The following SREK1 variants were observed in gnomAD, a reference collection of about 807,000 sequenced individuals.
SREK1 encodes the protein splicing regulatory glutamine/lysine-rich protein 1.
SREK1 carries 13 observed loss-of-function variants against 66.5 expected under a neutral mutation model. The ratio of observed to expected loss-of-function variants is 0.20; its 90% CI spans 0.13 to 0.31. The LOEUF (loss-of-function observed/expected upper bound fraction) is 0.31. Ranked by LOEUF, SREK1 falls within the 10% of genes least tolerant of loss-of-function variation. The probability of loss-of-function intolerance (pLI) is 1.00; values close to 1 mark genes in which losing one functional copy is unlikely to be tolerated. For synonymous variants in SREK1, 265 were observed against 263.5 expected (o/e 1.01, Z -0.05); for missense variants, 607 against 769.6 (o/e 0.79, Z 2.50).
intron 3 of SREK1, 121 bp from the exon 4 acceptor site, chr5:66,161,988 G>T: frequency 8.9e-7 from 1 of 1,117,944 alleles, no homozygotes. Context: ...TGAAAGTTCG[G>T]AGTCCCTAGT....
chr5:66,146,957 A>G lies in SREK1; in HGVS notation c.161+2420A>G, dbSNP rs7702725. ...GATTGAGCCAGGTGTGGTGGTGTGC[A>G]CCTATAGTCCTAGCTACTCAGGAGG... On this transcript the variant is annotated intron_variant, in intron 1 of 11. Coordinates refer to ENST00000334121, the MANE Select transcript of SREK1 (RefSeq NM_001077199.3). Among the ~76,000 whole-genome samples the G allele has an allele frequency of 2.5e-3, 386 of 152,206 alleles. 4 individuals are homozygous for G. The highest frequency in any genetic ancestry group is 8.9e-3 in the African/African-American group (371 of 41,508).
intron 1 of SREK1, among the ~76,000 whole-genome samples, chr5:66,151,566 A>G (rs1024288147): frequency 1.3e-5 from 2 of 152,148 alleles, no homozygotes; most frequent in Non-Finnish European, 2.9e-5. Context: ...TGTATTTTCA[A>G]CTTACTTAGT....
chr5:66,151,939 G>A (rs1580622912), intron 1 of SREK1, among the ~76,000 whole-genome samples: 2 of 139,102 alleles, frequency 1.4e-5, no homozygotes, highest in African/African-American at 2.6e-5. Context: ...TCCGCCTCCC[G>A]GGTTCACGCC....
chr5:66,149,382 T>A (rs963259828), intron 1 of SREK1, among the ~76,000 whole-genome samples: 5 of 151,854 alleles, frequency 3.3e-5, no homozygotes, highest in African/African-American at 7.3e-5. Context: ...AAAAGAAAAT[T>A]GCTTAAATCA....
chr5:66,156,095 C>T, intron 2 of SREK1: 2 of 1,518,546 alleles, frequency 1.3e-6, no homozygotes, highest in Non-Finnish European at 1.8e-6. Context: ...AGACCTGTTA[C>T]ACTTGCCTGA....
chr5:66,175,088 T>G (rs1453180637), intron 10 of SREK1, 47 bp downstream of exon 10: 7 of 1,459,210 alleles, frequency 4.8e-6, no homozygotes, highest in Non-Finnish European at 5.6e-6. Flanking sequence ...AAGCAATAAA[T>G]ATTTTTTGAA....
chr5:66,177,427 T>C, intron 10 of SREK1, 87 bp from the exon 11 acceptor site: 1 of 1,080,446 alleles, frequency 9.3e-7, no homozygotes, highest in South Asian at 1.9e-5. Context: ...ATTTTAGATA[T>C]CCAGTGTTAG....
intron 1 of SREK1, among the ~76,000 whole-genome samples, chr5:66,147,206 CTG>C (rs1410904657): frequency 6.6e-6 from 1 of 152,184 alleles, no homozygotes; most frequent in African/African-American, 2.4e-5. Context: ...TGAACATTCA[CTG>C]TAAGCATTAA....
chr5:66,150,334 G>A (rs1167507004), intron 1 of SREK1, among the ~76,000 whole-genome samples: 1 of 152,218 alleles, frequency 6.6e-6, no homozygotes, highest in Non-Finnish European at 1.5e-5. Context: ...AGAAGACTTG[G>A]AAATTTGAGC....
intron 1 of SREK1, among the ~76,000 whole-genome samples, chr5:66,150,680 T>C (rs1335371041): frequency 5.9e-5 from 9 of 152,134 alleles, no homozygotes; most frequent in Admixed American, 5.9e-4. Flanking sequence ...AATTAAGGCA[T>C]TGGTAATGAG....
chr5:66,157,318 T>C (rs1744368588), intron 2 of SREK1: 2 of 983,952 alleles, frequency 2.0e-6, no homozygotes, highest in Non-Finnish European at 2.4e-6. Context: ...CCCTTTTTGT[T>C]TGTATAGTCT....
At chr5:66,164,102 T>G in intron 6 of SREK1, 180 bp downstream of exon 6, 19 of 669,576 alleles carry the variant, frequency 2.8e-5, no homozygotes, top group Non-Finnish European at 3.5e-5. Context: ...ATTTTATCTC[T>G]TTCTGTGATA....
intron 10 of SREK1, among the ~76,000 whole-genome samples, chr5:66,175,249 G>C (rs537877352): frequency 6.6e-6 from 1 of 152,162 alleles, no homozygotes; most frequent in African/African-American, 2.4e-5. Flanking sequence ...TAATGACTTC[G>C]TGAGGTTTTT....
chr5:66,150,945 A>G (rs1743737177), intron 1 of SREK1, among the ~76,000 whole-genome samples: 1 of 152,110 alleles, frequency 6.6e-6, no homozygotes, highest in Non-Finnish European at 1.5e-5. Flanking sequence ...GGTTCAAGCA[A>G]TTCTTGTGCC....
rs187359493 is a variant in SREK1, at chr5:66,180,540, A to G, written c.*1672A>G. 585 of 152,718 alleles carry G rather than the reference A, an allele frequency of 3.8e-3. No homozygotes were observed. Among genetic ancestry groups the G allele is most frequent in the Non-Finnish European group, 6.4e-3 (438 of 68,008 alleles). The allele number at this position is 152,718 out of a possible 1,614,324, so 9.5% of individuals were successfully genotyped here. On this transcript the variant is annotated 3_prime_UTR_variant, in exon 12 of 12. Transcript: ENST00000334121. ...GAAAGAGTTGCCCTTGTTGCAAGTAATGAAGCCTGATTTGATTATGAAGCT... is the reference window on the plus strand; with the variant it reads ...GAAAGAGTTGCCCTTGTTGCAAGTAGTGAAGCCTGATTTGATTATGAAGCT...
rs369896734 is a variant in SREK1 at position 66,163,935 on chromosome 5, C to T, written c.886+13C>T. ...GCTATTGAACCAGGTAAGTACATAA[C>T]GTTGTTACATAGGTCATAGTTTAAA... is the stretch of plus-strand genomic sequence containing the variant. On this transcript the variant is annotated intron_variant, in intron 6 of 11. Coordinates refer to ENST00000334121, the MANE Select transcript of SREK1 (RefSeq NM_001077199.3). 39 of 1,611,190 alleles carry T rather than the reference C, an allele frequency of 2.4e-5. No individual in the cohort carries two copies. Among genetic ancestry groups the T allele is most frequent in the East Asian group, 1.6e-4 (7 of 44,818 alleles).
At chr5:66,149,292 G>A (rs1743549528) in intron 1 of SREK1, among the ~76,000 whole-genome samples, 1 of 152,108 alleles carries the variant, frequency 6.6e-6, no homozygotes, top group Non-Finnish European at 1.5e-5. Context: ...GGAGGTTGCA[G>A]TGAGCCGGGA....
In SREK1 at chr5:66,177,498, A is replaced by G. The variant is rs1161029256; in HGVS notation, c.1581-16A>G. 2 of 1,547,730 alleles carry G rather than the reference A, an allele frequency of 1.3e-6. No individual in the cohort carries two copies. The highest frequency in any genetic ancestry group is 1.7e-6 in the Non-Finnish European group (2 of 1,145,732). On this transcript the variant is annotated splice_polypyrimidine_tract_variant and intron_variant, in intron 10 of 11. Coordinates refer to ENST00000334121, the MANE Select transcript of SREK1 (RefSeq NM_001077199.3). ...CAATTTCTTAGAATTTAACTGACATATCAATATTCTTATAGCAGAAATAAG... is the reference window on the plus strand; with the variant it reads ...CAATTTCTTAGAATTTAACTGACATGTCAATATTCTTATAGCAGAAATAAG...
Position 66,178,856 on chromosome 5 carries a change from A to C in SREK1, c.1863A>C (p.Thr621=). ...ATGAAGAAAACCTCTCTACCAAAAC[A>C]GAAGCAGTATAGGACCGACAAGTGT... ...QLNEENLSTK[T]EAV Residue 621 remains threonine (T), a synonymous_variant, in exon 12 of 12, where the codon ACA becomes ACC. Coordinates refer to ENST00000334121, the MANE Select transcript of SREK1 (RefSeq NM_001077199.3). The C allele has an allele frequency of 6.2e-7, 1 of 1,611,988 alleles. No homozygotes were observed. The highest frequency in any genetic ancestry group is 8.5e-7 in the Non-Finnish European group (1 of 1,178,576).
Sources: gnomAD v4.1 joint callset for allele counts (sites outside exome capture counted in the v4.1 genomes callset) on GRCh38, gnomAD v4.1.1 for gene constraint, MANE v1.5 for transcripts, NCBI Gene and HGNC (gene_info 2026-07-23, HGNC 2026-07-21) for gene names.